Variants in TMTC4 observed in about 807,000 individuals in gnomAD.
TMTC4 encodes transmembrane O-mannosyltransferase targeting cadherins 4, also known as protein O-mannosyl-transferase TMTC4.
TMTC4 carries 65 observed loss-of-function variants against 86.0 expected under a neutral mutation model. The ratio of observed to expected loss-of-function variants is 0.76; its 90% CI spans 0.62 to 0.93. The LOEUF is 0.93. Among genes scored for constraint, TMTC4 ranks in the 40% least tolerant of loss-of-function variants. The probability of loss-of-function intolerance (pLI) is 0.00; values close to 1 mark genes in which losing one functional copy is unlikely to be tolerated. For synonymous variants in TMTC4, 379 were observed against 382.5 expected (o/e 0.99, Z 0.11); for missense variants, 866 against 948.1 (o/e 0.91, Z 1.14).
At chr13:100,656,541 A>ATTT in intron 5 of TMTC4, 73 bp from the exon 6 acceptor site, 1 of 462,930 alleles carries the variant, frequency 2.2e-6, no homozygotes, top group Non-Finnish European at 3.3e-6. Flanking sequence ...AGGAGACATA[A>ATTT]CTTTTTTTTT....
intron 6 of TMTC4, among the ~76,000 whole-genome samples, chr13:100,643,339 T>C (rs1195754397): frequency 6.6e-6 from 1 of 152,234 alleles, no homozygotes; most frequent in African/African-American, 2.4e-5. Flanking sequence ...TATGGCTCTA[T>C]GTAAGCATCT....
chr13:100,635,635 C>T (rs1882113703), intron 10 of TMTC4: 1 of 153,438 alleles, frequency 6.5e-6, no homozygotes, highest in African/African-American at 2.4e-5. Flanking sequence ...AATAATAACA[C>T]TTAAGTAAGT....
intron 6 of TMTC4, among the ~76,000 whole-genome samples, chr13:100,656,015 G>A (rs1476603180): frequency 1.3e-5 from 2 of 152,188 alleles, no homozygotes; most frequent in Non-Finnish European, 2.9e-5. Flanking sequence ...GCTATGAAAG[G>A]ATAGCTGGGC....
Position 100,673,636 on chromosome 13 carries a change from T to TA in TMTC4, c.-208+1107dup, listed in dbSNP as rs150958571. 3.2e-3 allele frequency among the ~76,000 whole-genome samples: 486 copies of TA among 152,334 alleles called. 1 individual carries two copies. Among genetic ancestry groups the TA allele is most frequent in the African/African-American group, 0.011 (454 of 41,584 alleles). ...GAATACATGCTACTGAAGGCTAAGGTATCGTCCTGCTGTGACGGCCTTCCC... is the reference window on the plus strand; with the variant it reads ...GAATACATGCTACTGAAGGCTAAGGTAATCGTCCTGCTGTGACGGCCTTCCC... On this transcript the variant is annotated intron_variant, in intron 1 of 18. Transcript: ENST00000342624.
intron 5 of TMTC4, among the ~76,000 whole-genome samples, chr13:100,661,270 CGTGT>C (rs753389400): frequency 5.3e-5 from 8 of 152,124 alleles, no homozygotes; most frequent in South Asian, 2.1e-4. Flanking sequence ...CTGGAATGTG[CGTGT>C]GTGTGAGAGA....
At chr13:100,675,050 G>A (rs1368233435), upstream of TMTC4, 5 of 985,714 alleles carry the variant, frequency 5.1e-6, no homozygotes, top group Non-Finnish European at 6.0e-6. Flanking sequence ...GGCGAAGGAG[G>A]CGCAGGGACA....
intron 10 of TMTC4, among the ~76,000 whole-genome samples, chr13:100,635,506 T>G (rs527885103): frequency 6.6e-6 from 1 of 152,322 alleles, no homozygotes; most frequent in Admixed American, 6.5e-5. Flanking sequence ...TACTCCTCAC[T>G]ATGCCTCAAA....
chr13:100,630,019 CTGTGTGTATGTG>C (rs1292396068), intron 12 of TMTC4, among the ~76,000 whole-genome samples: 1,490 of 146,568 alleles, frequency 0.01, 9 homozygotes, highest in East Asian at 0.035. Flanking sequence ...GCCACCCAAT[CTGTGTGTATGTG>C]TGTGTGTGTG....
intron 15 of TMTC4, among the ~76,000 whole-genome samples, chr13:100,621,228 T>G (rs1222386583): frequency 2.0e-5 from 3 of 152,150 alleles, no homozygotes; most frequent in Admixed American, 2.0e-4. Flanking sequence ...AAGGAGCATT[T>G]ATTATAAATC....
rs780707343 is a variant in TMTC4 at position 100,637,670 on chromosome 13, G to A, written c.867C>T (p.Leu289=). 2.5e-6 allele frequency: 4 copies of A among 1,614,190 alleles called. No individual in the cohort carries two copies. The South Asian group carries it at 4.4e-5, about 18-fold the overall frequency. Residue 289 remains leucine (L), a synonymous_variant, in exon 9 of 19, where the codon CTC becomes CTT. Coordinates refer to ENST00000342624, the MANE Select transcript of TMTC4 (RefSeq NM_032813.5). The stretch of plus-strand genomic sequence containing the variant: ...CAGAGGTGAGCAGGGTCATTCTGAA[G>A]AGGAGGCCCCCGTTCCTGAGCATGC... ...NLGMLRNGGL[L]FRMTLLTSGG...
intron 15 of TMTC4, among the ~76,000 whole-genome samples, chr13:100,619,979 T>C (rs1412083600): frequency 1.3e-5 from 2 of 152,248 alleles, no homozygotes; most frequent in Non-Finnish European, 2.9e-5. Context: ...TTACTATTTA[T>C]TGAAGAATAG....
chr13:100,608,124 G>A (rs2153021294), intron 17 of TMTC4, among the ~76,000 whole-genome samples: 1 of 152,306 alleles, frequency 6.6e-6, no homozygotes, highest in South Asian at 2.1e-4. Context: ...TGAGAGAAAT[G>A]GCTTAGGGAT....
intron 12 of TMTC4, among the ~76,000 whole-genome samples, chr13:100,631,264 T>C (rs1252086978): frequency 1.3e-5 from 2 of 152,232 alleles, no homozygotes; most frequent in African/African-American, 2.4e-5. Context: ...GCACCTTTAA[T>C]ACCAGGGCTA....
At chr13:100,643,301 T>TA (rs1228149494) in intron 6 of TMTC4, among the ~76,000 whole-genome samples, 1 of 152,236 alleles carries the variant, frequency 6.6e-6, no homozygotes, top group East Asian at 1.9e-4. Flanking sequence ...CAATTCCACT[T>TA]ACACCTGGAA....
At chr13:100,612,615 T>C in intron 16 of TMTC4, 105 bp from the exon 17 acceptor site, 1 of 740,288 alleles carries the variant, frequency 1.4e-6, no homozygotes. Flanking sequence ...ATGACAATTA[T>C]GAATAAACTA....
chr13:100,659,510 C>T (rs573116984), intron 5 of TMTC4, among the ~76,000 whole-genome samples: 5 of 152,222 alleles, frequency 3.3e-5, no homozygotes, highest in South Asian at 2.1e-4. Flanking sequence ...TTCCCCAACA[C>T]TTTGAGGAAA....
rs369131646 is a variant in TMTC4, at chr13:100,625,680, G to A, written c.1695-4C>T. 3.4e-5 allele frequency: 55 copies of A among 1,613,686 alleles called. No individual in the cohort carries two copies. The highest frequency in any genetic ancestry group is 4.5e-5 in the Non-Finnish European group (53 of 1,179,760). On this transcript the variant is annotated splice_region_variant and splice_polypyrimidine_tract_variant and intron_variant, in intron 14 of 18. Coordinates refer to ENST00000342624, the MANE Select transcript of TMTC4 (RefSeq NM_032813.5). The stretch of plus-strand genomic sequence containing the variant: ...CCACGCAGCGGCAAAGTCTGGCCTA[G>A]AGGAGCAGTTTTAACAAAGATAAAC...
chr13:100,662,678 C>T (rs1056582683), intron 5 of TMTC4, among the ~76,000 whole-genome samples: 1 of 152,206 alleles, frequency 6.6e-6, no homozygotes, highest in Non-Finnish European at 1.5e-5. Flanking sequence ...CAGAAAGTGT[C>T]ACCAGAGATC....
At chr13:100,627,987 T>C (rs556943697) in intron 12 of TMTC4, among the ~76,000 whole-genome samples, 6 of 152,226 alleles carry the variant, frequency 3.9e-5, no homozygotes, top group South Asian at 2.1e-4. Context: ...GCAAAAAGCA[T>C]ACAAATTGGT....
Sources: allele counts gnomAD v4.1 joint callset (sites outside exome capture counted in the v4.1 genomes callset), GRCh38; gene constraint gnomAD v4.1.1; transcripts MANE v1.5; gene names NCBI Gene and HGNC (gene_info 2026-07-23, HGNC 2026-07-21).